Variants in SLC7A1 observed in about 807,000 individuals in gnomAD.
SLC7A1 encodes high affinity cationic amino acid transporter 1.
SLC7A1 carries 10 observed loss-of-function variants against 53.9 expected under a neutral mutation model. The ratio of observed to expected loss-of-function variants is 0.19; its 90% CI spans 0.11 to 0.31. The LOEUF is 0.31. SLC7A1 is among the 10% of genes least tolerant of loss of function. SLC7A1 has a pLI of 1.00. For missense variants in SLC7A1, 525 were observed against 827.2 expected, an observed-to-expected ratio of 0.63 and a Z score of 4.48; for synonymous variants, 342 against 338.7, an observed-to-expected ratio of 1.01 and a Z score of -0.11.
At chr13:29,584,599 G>A (rs1219852828) in intron 1 of SLC7A1, among the ~76,000 whole-genome samples, 1 of 152,074 alleles carries the variant, frequency 6.6e-6, no homozygotes, top group Non-Finnish European at 1.5e-5. Flanking sequence ...CAATAAATGA[G>A]GCCATTTATC....
chr13:29,583,567 T>C (rs973733680), intron 1 of SLC7A1, among the ~76,000 whole-genome samples: 1 of 152,268 alleles, frequency 6.6e-6, no homozygotes, highest in African/African-American at 2.4e-5. Flanking sequence ...GGACCACTCA[T>C]GGGCAACCAG....
At position 29,514,443 on chromosome 13, in the gene SLC7A1, C is replaced by T. The variant is rs761971681; in HGVS notation, c.*37G>A. On this transcript the variant is annotated 3_prime_UTR_variant, in exon 13 of 13. Coordinates refer to ENST00000380752, the MANE Select transcript of SLC7A1 (RefSeq NM_003045.5). ...CTCCCGGTCCTCTGGGGGCGTCCCT[C>T]GGGGCTGCTGCCACCTCCGGGGGGC... The T allele has an allele frequency of 1.2e-5, 19 of 1,536,584 alleles. No individual in the cohort carries two copies. The highest frequency in any genetic ancestry group is 3.4e-5 in the Admixed American group (2 of 59,602).
chr13:29,528,871 C>T (rs940509793), intron 5 of SLC7A1, among the ~76,000 whole-genome samples: 2 of 152,158 alleles, frequency 1.3e-5, no homozygotes, highest in East Asian at 3.8e-4. Context: ...TACTAGGGTA[C>T]CAGCATGAGG....
chr13:29,588,658 C>T (rs959191298), intron 1 of SLC7A1, among the ~76,000 whole-genome samples: 1 of 152,004 alleles, frequency 6.6e-6, no homozygotes, highest in Non-Finnish European at 1.5e-5. Context: ...CATGCGCCAC[C>T]AACACCAGGC....
intron 1 of SLC7A1, among the ~76,000 whole-genome samples, chr13:29,593,372 C>G (rs949945403): frequency 3.3e-5 from 5 of 152,152 alleles, no homozygotes; most frequent in African/African-American, 1.2e-4. Context: ...GAAGGTCTTG[C>G]TTGGAGTGAG....
chr13:29,566,076 C>A (rs1870956227), intron 1 of SLC7A1, among the ~76,000 whole-genome samples: 1 of 152,202 alleles, frequency 6.6e-6, no homozygotes, highest in Non-Finnish European at 1.5e-5. Context: ...AAAAGGATGG[C>A]AGCAGCGATG....
In SLC7A1 at chr13:29,512,557, T is replaced by C. The variant is rs1379758194; in HGVS notation, c.*1923A>G. 1 of 151,244 alleles carries C rather than the reference T, an allele frequency of 6.6e-6. No individual in the cohort carries two copies. The highest frequency in any genetic ancestry group is 1.5e-5 in the Non-Finnish European group (1 of 67,804). 9.4% of individuals were successfully genotyped at this position (151,244 alleles called of 1,614,324 possible). ...GAATTCTCTTTGCCTATGTAGAAAA[T>C]AACGGAAAAAAAAATCAAGCAAATA... On this transcript the variant is annotated 3_prime_UTR_variant, in exon 13 of 13. Transcript: ENST00000380752.
At chr13:29,575,180 C>T (rs917569484) in intron 1 of SLC7A1, among the ~76,000 whole-genome samples, 6 of 152,152 alleles carry the variant, frequency 3.9e-5, no homozygotes, top group African/African-American at 1.4e-4. Flanking sequence ...TTTGTGTTAC[C>T]GTTGCAACTG....
At chr13:29,527,628 G>A (rs1868959268) in intron 5 of SLC7A1, among the ~76,000 whole-genome samples, 1 of 152,128 alleles carries the variant, frequency 6.6e-6, no homozygotes, top group Non-Finnish European at 1.5e-5. Flanking sequence ...CTTGAGTCCT[G>A]GTCTCAGCTC....
intron 5 of SLC7A1, among the ~76,000 whole-genome samples, chr13:29,525,635 C>T (rs750130470): frequency 1.7e-4 from 26 of 152,184 alleles, no homozygotes; most frequent in Non-Finnish European, 3.5e-4. Flanking sequence ...CTCTCAGTTA[C>T]AGAAACTGCC....
chr13:29,550,104 G>A (rs59214895), intron 2 of SLC7A1, among the ~76,000 whole-genome samples: 2,610 of 152,312 alleles, frequency 0.017, 71 homozygotes, highest in African/African-American at 0.059. Flanking sequence ...TCACTGACAT[G>A]CCAGTCATCT....
chr13:29,530,818 A>C, intron 4 of SLC7A1, 106 bp from the exon 5 acceptor site: 1 of 860,546 alleles, frequency 1.2e-6, no homozygotes, highest in Non-Finnish European at 1.8e-6. Context: ...ATCCAAGTGC[A>C]TCGAGCCTCT....
Position 29,527,805 on chromosome 13 carries a change from G to A in SLC7A1, c.704+2733C>T, listed in dbSNP as rs1178684202. Among the ~76,000 whole-genome samples the A allele has an allele frequency of 2.6e-5, 4 of 152,200 alleles. No homozygotes were observed. The East Asian group carries it at 7.7e-4, about 29-fold the overall frequency. On this transcript the variant is annotated intron_variant, in intron 5 of 12. Coordinates refer to ENST00000380752, the MANE Select transcript of SLC7A1 (RefSeq NM_003045.5). Reference sequence around the variant, plus strand: ...GCAGGGCTCCGCCACCCTCACACCAGCCACCCTGACATCAACTGTTAGTTG... The same window carrying A: ...GCAGGGCTCCGCCACCCTCACACCAACCACCCTGACATCAACTGTTAGTTG...
chr13:29,545,612 A>T (rs1004847851), intron 2 of SLC7A1, among the ~76,000 whole-genome samples: 1 of 147,350 alleles, frequency 6.8e-6, no homozygotes, highest in South Asian at 2.1e-4. Context: ...AATTCCTCAT[A>T]ATAATATTTT....
intron 1 of SLC7A1, among the ~76,000 whole-genome samples, chr13:29,591,401 G>A (rs1872104424): frequency 6.6e-6 from 1 of 152,146 alleles, no homozygotes; most frequent in South Asian, 2.1e-4. Context: ...TCTGCCAGTA[G>A]GGATCATGAT....
intron 2 of SLC7A1, among the ~76,000 whole-genome samples, chr13:29,540,018 T>A (rs925527559): frequency 1.3e-5 from 2 of 152,238 alleles, no homozygotes; most frequent in Admixed American, 6.5e-5. Context: ...CAAGTGGTTT[T>A]ATCTGTCAGC....
intron 5 of SLC7A1, among the ~76,000 whole-genome samples, chr13:29,526,990 C>T (rs1868922290): frequency 1.3e-5 from 2 of 151,904 alleles, no homozygotes; most frequent in Non-Finnish European, 2.9e-5. Flanking sequence ...CTACACCTGA[C>T]CTCAGGAGGA....
intron 1 of SLC7A1, among the ~76,000 whole-genome samples, chr13:29,588,385 T>G (rs972256867): frequency 1.3e-5 from 2 of 152,202 alleles, no homozygotes; most frequent in African/African-American, 4.8e-5. Context: ...TGTGTCTGTG[T>G]GCATGTGAGT....
intron 2 of SLC7A1, among the ~76,000 whole-genome samples, chr13:29,538,390 A>C (rs1251447023): frequency 6.6e-6 from 1 of 152,230 alleles, no homozygotes; most frequent in East Asian, 1.9e-4. Context: ...CCTGAGGCCA[A>C]GAGAAGAGCA....
Sources: gnomAD v4.1 joint callset for allele counts (sites outside exome capture counted in the v4.1 genomes callset) on GRCh38, gnomAD v4.1.1 for gene constraint, MANE v1.5 for transcripts, NCBI Gene and HGNC (gene_info 2026-07-23, HGNC 2026-07-21) for gene names.